Variants in TMBIM4 observed in about 807,000 individuals in gnomAD.
TMBIM4 encodes protein lifeguard 4.
Under a neutral mutation model 27.7 loss-of-function variants are expected in TMBIM4, and 28 were observed. That is an observed-to-expected ratio of 1.01 (90% CI 0.75 to 1.38). TMBIM4 has a LOEUF of 1.38. Among genes scored for constraint, TMBIM4 ranks in the 40% most tolerant of loss-of-function variants. TMBIM4 has a pLI of 0.00. For missense variants in TMBIM4, 265 were observed against 277.5 expected (o/e 0.95, Z 0.32); for synonymous variants, 115 against 113.1 (o/e 1.02, Z -0.11).
chr12:66,137,825 G>GT lies in TMBIM4; in HGVS notation c.*134dup. The GT allele has an allele frequency of 1.5e-6, 1 of 647,106 alleles. No individual in the cohort carries two copies. Among genetic ancestry groups the GT allele is most frequent in the East Asian group, 2.8e-5 (1 of 35,852 alleles). The allele number at this position is 647,106 out of a possible 1,614,324, so 40.1% of individuals were successfully genotyped here. A position where few individuals can be genotyped will look rare whatever the true frequency, so the allele number is the denominator to read the frequency against. ...ATTACATATGATACAAATAAAGATT[G>GT]TAACAGTATTTAATCATTGTTTCAA... On this transcript the variant is annotated 3_prime_UTR_variant, in exon 7 of 7. Coordinates refer to ENST00000358230, the MANE Select transcript of TMBIM4 (RefSeq NM_016056.4).
At chr12:66,157,078 A>C (rs886360263) in intron 1 of TMBIM4, among the ~76,000 whole-genome samples, 4 of 152,164 alleles carry the variant, frequency 2.6e-5, no homozygotes, top group African/African-American at 9.7e-5. Context: ...TTAATGCCAC[A>C]AATATACTAT....
At position 66,138,129 on chromosome 12, in the gene TMBIM4, G is replaced by A; in HGVS notation, c.548C>T (p.Ala183Val). The change falls in exon 7 of 7, where the codon GCC becomes GTC. Residue 183 changes from alanine (A) to valine (V), a missense_variant. Transcript: ENST00000358230. ...ACAGAAAAGAAGGGCTCCTGCAGCG[G>A]CTAAGACCAACTCCATTATCTCACT... Reference protein sequence around the residue: ...FYSEIMELVLAAAGALLFCGF... With the variant: ...FYSEIMELVLVAAGALLFCGF... The A allele has an allele frequency of 2.5e-6, 4 of 1,613,946 alleles. No homozygotes were observed. Among genetic ancestry groups the A allele is most frequent in the South Asian group, 1.1e-5 (1 of 91,074 alleles).
intron 5 of TMBIM4, among the ~76,000 whole-genome samples, chr12:66,142,156 G>C (rs1484207374): frequency 1.3e-5 from 2 of 151,858 alleles, no homozygotes; most frequent in Non-Finnish European, 2.9e-5. Flanking sequence ...AATGCTATTT[G>C]GTGAAATGAA....
At chr12:66,141,575 T>TA (rs879646299) in intron 5 of TMBIM4, among the ~76,000 whole-genome samples, 292 of 146,268 alleles carry the variant, frequency 2.0e-3, no homozygotes, top group African/African-American at 5.4e-3. Context: ...CTATGATTTC[T>TA]AAAAAAAAAA....
At chr12:66,169,809 C>T in intron 1 of TMBIM4, 46 bp downstream of exon 1, 1 of 1,409,120 alleles carries the variant, frequency 7.1e-7, no homozygotes, top group Non-Finnish European at 9.4e-7. Flanking sequence ...AGAGGCCGAG[C>T]AGTGCAGACA....
At chr12:66,145,366 T>C (rs1361947593) in intron 5 of TMBIM4, 1 of 152,288 alleles carries the variant, frequency 6.6e-6, no homozygotes, top group African/African-American at 2.4e-5. Context: ...ATAATCCTAA[T>C]ATAAAAAGGA....
intron 2 of TMBIM4, among the ~76,000 whole-genome samples, chr12:66,152,623 T>C (rs1279955468): frequency 6.6e-6 from 1 of 152,058 alleles, no homozygotes. Flanking sequence ...TTTTACCATA[T>C]AAACTTCTAT....
At chr12:66,156,432 G>C (rs1016419067) in intron 1 of TMBIM4, among the ~76,000 whole-genome samples, 1 of 152,122 alleles carries the variant, frequency 6.6e-6, no homozygotes, top group African/African-American at 2.4e-5. Context: ...AAAGTACAAC[G>C]TATCTGCCTC....
At chr12:66,165,283 G>A (rs1233240400) in intron 1 of TMBIM4, among the ~76,000 whole-genome samples, 1 of 152,026 alleles carries the variant, frequency 6.6e-6, no homozygotes, top group East Asian at 1.9e-4. Flanking sequence ...CAAAGTTGGA[G>A]ATCTCACATT....
chr12:66,153,626 A>G (rs534534582), intron 1 of TMBIM4, among the ~76,000 whole-genome samples, 178 bp from the exon 2 acceptor site: 3 of 152,282 alleles, frequency 2.0e-5, no homozygotes, highest in African/African-American at 7.2e-5. Context: ...ATAATTTAAA[A>G]ATTGTAAGAG....
At chr12:66,158,386 A>T (rs1211112605) in intron 1 of TMBIM4, among the ~76,000 whole-genome samples, 4 of 152,004 alleles carry the variant, frequency 2.6e-5, no homozygotes, top group Non-Finnish European at 5.9e-5. Flanking sequence ...CATGCCTGTA[A>T]TCCCAGCACT....
intron 1 of TMBIM4, among the ~76,000 whole-genome samples, chr12:66,162,221 T>C (rs1328017789): frequency 6.6e-6 from 1 of 152,220 alleles, no homozygotes; most frequent in African/African-American, 2.4e-5. Flanking sequence ...GCAGTTTTGC[T>C]TTTCAAGGTT....
chr12:66,156,333 A>C (rs1044142368), intron 1 of TMBIM4, among the ~76,000 whole-genome samples: 1 of 152,170 alleles, frequency 6.6e-6, no homozygotes, highest in Non-Finnish European at 1.5e-5. Flanking sequence ...ACCAGCACCA[A>C]CATCATCCAA....
At chr12:66,158,366 T>C (rs946511440) in intron 1 of TMBIM4, among the ~76,000 whole-genome samples, 3 of 148,024 alleles carry the variant, frequency 2.0e-5, no homozygotes, top group Non-Finnish European at 3.0e-5. Flanking sequence ...TCAGGCCGGG[T>C]GCAGTGGCTC....
chr12:66,165,394 A>G (rs908480787), intron 1 of TMBIM4, among the ~76,000 whole-genome samples: 5 of 151,950 alleles, frequency 3.3e-5, no homozygotes, highest in Admixed American at 6.6e-5. Context: ...CAGAGCTCCA[A>G]TAATAAATCC....
chr12:66,164,213 A>G (rs1275369163), intron 1 of TMBIM4, among the ~76,000 whole-genome samples: 4 of 152,200 alleles, frequency 2.6e-5, no homozygotes, highest in Non-Finnish European at 5.9e-5. Context: ...TAGTAGTTCT[A>G]TGCAAACCGA....
At chr12:66,161,047 C>G (rs976122988) in intron 1 of TMBIM4, 3 of 151,664 alleles carry the variant, frequency 2.0e-5, no homozygotes, top group Non-Finnish European at 2.9e-5. Context: ...GTTGGACGGC[C>G]GGGCAGAGGA....
chr12:66,165,923 T>A (rs967794676), intron 1 of TMBIM4, among the ~76,000 whole-genome samples: 4 of 152,210 alleles, frequency 2.6e-5, no homozygotes, highest in African/African-American at 9.6e-5. Context: ...AGTTTTAAAT[T>A]TTGATGTCAT....
chr12:66,169,728 G>C, intron 1 of TMBIM4, 127 bp downstream of exon 1: 1 of 660,722 alleles, frequency 1.5e-6, no homozygotes, highest in Non-Finnish European at 2.4e-6. Flanking sequence ...GGAGGGCCGG[G>C]AGCTCAGTGA....
Sources: allele counts gnomAD v4.1 joint callset (sites outside exome capture counted in the v4.1 genomes callset), GRCh38; gene constraint gnomAD v4.1.1; transcripts MANE v1.5; gene names NCBI Gene and HGNC (gene_info 2026-07-23, HGNC 2026-07-21).